Variants in SNCAIP observed in about 807,000 individuals in gnomAD.
SNCAIP encodes the protein synuclein alpha interacting protein.
In SNCAIP, 43 loss-of-function variants were observed where a neutral mutation model predicts 86.7. The ratio of observed to expected loss-of-function variants is 0.50; its 90% CI spans 0.39 to 0.64. The LOEUF (loss-of-function observed/expected upper bound fraction) is 0.64, where lower values mean the gene tolerates loss of function less well. Among genes scored for constraint, SNCAIP ranks in the 30% least tolerant of loss-of-function variants. The pLI, the probability that SNCAIP is intolerant of heterozygous loss-of-function variation, is 0.00. For synonymous variants in SNCAIP, 417 were observed against 427.2 expected (o/e 0.98, Z 0.29); for missense variants, 981 against 1,103.1 (o/e 0.89, Z 1.57).
chr5:122,416,072 A>G (rs1385453991), intron 3 of SNCAIP, among the ~76,000 whole-genome samples: 1 of 152,212 alleles, frequency 6.6e-6, no homozygotes, highest in Non-Finnish European at 1.5e-5. Context: ...TGATTTCGTG[A>G]TGGAATATGC....
Position 122,423,712 on chromosome 5 carries a change from T to C in SNCAIP, c.975T>C (p.Ile325=), listed in dbSNP as rs765699982. The change falls in exon 4 of 11, where the codon ATT becomes ATC. Residue 325 remains isoleucine (I), a synonymous_variant. Transcript: ENST00000261368. Reference sequence around the variant, plus strand: ...AAAAAGTGAAAAGCATCTTGAACATTGTTAAAGAAGGACAGATCTCTCTCC... The same window carrying C: ...AAAAAGTGAAAAGCATCTTGAACATCGTTAAAGAAGGACAGATCTCTCTCC... ...YLKKVKSILN[I]VKEGQISLLP... 2 of 1,602,612 alleles carry C rather than the reference T, an allele frequency of 1.2e-6. No individual in the cohort carries two copies. Among genetic ancestry groups the C allele is most frequent in the Non-Finnish European group, 1.7e-6 (2 of 1,179,906 alleles).
chr5:122,401,494 T>C (rs79756897), intron 2 of SNCAIP, among the ~76,000 whole-genome samples: 2,347 of 152,194 alleles, frequency 0.015, 30 homozygotes, highest in Non-Finnish European at 0.021. Context: ...TAGATTAGAG[T>C]CATTGCTGAA....
At position 122,315,298 on chromosome 5, in the gene SNCAIP, G is replaced by T. The variant is rs960520947; in HGVS notation, c.-47+3014G>T. Among the ~76,000 whole-genome samples, 42 of 152,154 alleles carry T rather than the reference G, an allele frequency of 2.8e-4. 1 individual carries two copies. The highest frequency in any genetic ancestry group is 5.6e-4 in the Non-Finnish European group (38 of 68,030). ...GTTGGCCAGGGTAACATAACGAGTGGCTGGGATGTACCTCCCATTCTCCAG... is the reference window on the plus strand; with the variant it reads ...GTTGGCCAGGGTAACATAACGAGTGTCTGGGATGTACCTCCCATTCTCCAG... On this transcript the variant is annotated intron_variant, in intron 1 of 10. Transcript: ENST00000261368.
intron 10 of SNCAIP, among the ~76,000 whole-genome samples, chr5:122,462,013 A>G (rs1190679363): frequency 2.0e-5 from 3 of 152,222 alleles, no homozygotes; most frequent in Non-Finnish European, 2.9e-5. Flanking sequence ...TTTTGCAGTC[A>G]AATACAAATG....
intron 1 of SNCAIP, among the ~76,000 whole-genome samples, chr5:122,320,269 G>A (rs560376438): frequency 3.9e-5 from 6 of 152,124 alleles, no homozygotes; most frequent in African/African-American, 1.2e-4. Flanking sequence ...ACTCATTTCC[G>A]AGTACAGTTT....
chr5:122,372,999 T>A (rs1764563673), intron 1 of SNCAIP, among the ~76,000 whole-genome samples: 1 of 152,214 alleles, frequency 6.6e-6, no homozygotes, highest in Non-Finnish European at 1.5e-5. Flanking sequence ...GTTATTGCTC[T>A]CATTTTTAAT....
At chr5:122,453,651 G>A (rs1414484324) in intron 10 of SNCAIP, among the ~76,000 whole-genome samples, 3 of 152,082 alleles carry the variant, frequency 2.0e-5, no homozygotes. Context: ...CTTGGGCAAA[G>A]TTCTTCTGCA....
intron 1 of SNCAIP, among the ~76,000 whole-genome samples, chr5:122,347,396 CTT>C (rs72100282): frequency 0.21 from 29,389 of 139,414 alleles, 2,837 homozygotes; most frequent in South Asian, 0.3. Context: ...GATTTCTTTC[CTT>C]TTTTTTTTTT....
At chr5:122,347,533 G>A (rs1387350580) in intron 1 of SNCAIP, among the ~76,000 whole-genome samples, 2 of 151,740 alleles carry the variant, frequency 1.3e-5, no homozygotes, top group African/African-American at 2.4e-5. Context: ...CATAAGCATA[G>A]CCATGTAACA....
chr5:122,360,668 A>G (rs958234607), intron 1 of SNCAIP, among the ~76,000 whole-genome samples: 4 of 152,162 alleles, frequency 2.6e-5, no homozygotes, highest in African/African-American at 9.7e-5. Context: ...GCATGTGAAA[A>G]CCACCTGGCA....
Position 122,431,998 on chromosome 5 carries a change from G to A in SNCAIP, c.1212G>A (p.Met404Ile), listed in dbSNP as rs771089370. The A allele has an allele frequency of 6.2e-7, 1 of 1,600,136 alleles. No individual in the cohort carries two copies. Among genetic ancestry groups the A allele is most frequent in the Non-Finnish European group, 8.6e-7 (1 of 1,167,562 alleles). ...GTCAGTTGGAGTGCGTACGCTGGAT[G>A]GTGAGCGAAACAGAAGCCATTGCAG... The part of the protein sequence containing the change: ...KNGQLECVRW[M>I]VSETEAIAEL... The change falls in exon 6 of 11, where the codon ATG becomes ATA. Residue 404 changes from methionine to isoleucine, a missense_variant. Met to Ile is a conservative substitution (Grantham distance 10, BLOSUM62 1). Coordinates refer to ENST00000261368, the MANE Select transcript of SNCAIP (RefSeq NM_005460.4).
At chr5:122,335,981 T>A (rs894811486) in intron 1 of SNCAIP, among the ~76,000 whole-genome samples, 3 of 152,222 alleles carry the variant, frequency 2.0e-5, no homozygotes, top group African/African-American at 7.2e-5. Flanking sequence ...AGTAGCTGAC[T>A]GAAATATTTT....
intron 1 of SNCAIP, among the ~76,000 whole-genome samples, chr5:122,317,806 C>A (rs1435630399): frequency 2.6e-5 from 4 of 152,100 alleles, no homozygotes; most frequent in Non-Finnish European, 4.4e-5. Context: ...CACCTCCAAG[C>A]CAGAGACCTG....
rs144375705 is a variant in SNCAIP, at chr5:122,316,468, G to A, written c.-47+4184G>A. Among the ~76,000 whole-genome samples the A allele has an allele frequency of 9.3e-3, 1,420 of 152,290 alleles. 20 individuals are homozygous for A. Among genetic ancestry groups the A allele is most frequent in the African/African-American group, 0.033 (1,366 of 41,564 alleles). ...TGTCAGAAGTGGAGATGGAAATAGG[G>A]TGACAAGACCAACAAATGCTCACCA... is the stretch of plus-strand genomic sequence containing the variant. On this transcript the variant is annotated intron_variant, in intron 1 of 10. Coordinates refer to ENST00000261368, the MANE Select transcript of SNCAIP (RefSeq NM_005460.4).
intron 6 of SNCAIP, 78 bp from the exon 7 acceptor site, chr5:122,440,551 G>A: frequency 1.5e-6 from 2 of 1,347,314 alleles, no homozygotes; most frequent in Non-Finnish European, 2.1e-6. Context: ...CACAAATTAG[G>A]GTATTGTTTT....
Position 122,450,616 on chromosome 5 carries a change from G to A in SNCAIP, c.1769G>A (p.Gly590Glu), listed in dbSNP as rs1244418167. 2 of 1,614,122 alleles carry A rather than the reference G, an allele frequency of 1.2e-6. No homozygotes were observed. The highest frequency in any genetic ancestry group is 1.7e-6 in the Non-Finnish European group (2 of 1,179,988). The change falls in exon 10 of 11, where the codon GGA (glycine) becomes GAA (glutamate). Residue 590 changes from glycine (G) to glutamate (E), a missense_variant. By Grantham distance (98) the Gly-to-Glu change is moderately conservative. Coordinates refer to ENST00000261368, the MANE Select transcript of SNCAIP (RefSeq NM_005460.4). ...DDDSVAKSKP[G>E]VQEGIQVLGS... is the part of the protein sequence containing the mutation. ...GATTCTGTAGCCAAAAGCAAGCCAG[G>A]AGTCCAAGAGGGGATTCAGGTTCTT...
At chr5:122,440,549 A>G (rs1780641396) in intron 6 of SNCAIP, 80 bp from the exon 7 acceptor site, 2 of 1,334,026 alleles carry the variant, frequency 1.5e-6, no homozygotes, top group Non-Finnish European at 2.2e-6. Flanking sequence ...TTCACAAATT[A>G]GGGTATTGTT....
At chr5:122,361,635 G>A (rs1762238782) in intron 1 of SNCAIP, among the ~76,000 whole-genome samples, 2 of 152,086 alleles carry the variant, frequency 1.3e-5, no homozygotes, top group Admixed American at 1.3e-4. Flanking sequence ...ACTGTGGGAG[G>A]CTGGAGAATC....
At chr5:122,338,291 C>G (rs1311297380) in intron 1 of SNCAIP, among the ~76,000 whole-genome samples, 2 of 152,124 alleles carry the variant, frequency 1.3e-5, no homozygotes, top group Non-Finnish European at 2.9e-5. Context: ...TTTTGAAATG[C>G]AGATAGAGGG....
Sources: gnomAD v4.1 joint callset for allele counts (sites outside exome capture counted in the v4.1 genomes callset) on GRCh38, gnomAD v4.1.1 for gene constraint, MANE v1.5 for transcripts, NCBI Gene and HGNC (gene_info 2026-07-23, HGNC 2026-07-21) for gene names.